Variants in VPS45 observed in about 807,000 individuals in gnomAD.
The protein encoded by VPS45 is vacuolar protein sorting-associated protein 45.
In VPS45, 35 loss-of-function variants were observed where a neutral mutation model predicts 75.9. The ratio of observed to expected loss-of-function variants is 0.46; its 90% CI spans 0.35 to 0.61. The LOEUF (loss-of-function observed/expected upper bound fraction) is 0.61. VPS45 is among the 20% of genes least tolerant of loss of function. The pLI is 0.00. For missense variants in VPS45, 559 were observed against 685.9 expected, an observed-to-expected ratio of 0.81 and a Z score of 2.07; for synonymous variants, 220 against 238.2, an observed-to-expected ratio of 0.92 and a Z score of 0.70.
Position 150,067,853 on chromosome 1 carries a change from C to T in VPS45, c.-5C>T, listed in dbSNP as rs1654811282. ...GGGCTGTAGGGTACTTGTCAATTCG[C>T]CGCCATGAACGTGGTTTTTGCTGTG... On this transcript the variant is annotated 5_prime_UTR_variant, in exon 1 of 15. Transcript: ENST00000644510. 1 of 1,613,838 alleles carries T rather than the reference C, an allele frequency of 6.2e-7. No individual in the cohort carries two copies. Among genetic ancestry groups the T allele is most frequent in the South Asian group, 1.1e-5 (1 of 91,062 alleles).
At chr1:150,139,227 G>A (rs1284916665) in intron 14 of VPS45, among the ~76,000 whole-genome samples, 1 of 152,084 alleles carries the variant, frequency 6.6e-6, no homozygotes, top group East Asian at 1.9e-4. Context: ...ACAATGACAT[G>A]CCAGGCCTTA....
intron 13 of VPS45, among the ~76,000 whole-genome samples, chr1:150,102,394 A>T (rs1553804679): frequency 6.6e-6 from 1 of 152,094 alleles, no homozygotes; most frequent in Non-Finnish European, 1.5e-5. Context: ...TACTAAAAAT[A>T]CAAAATTAGC....
chr1:150,115,869 C>A (rs587708928), intron 14 of VPS45, among the ~76,000 whole-genome samples: 8 of 152,158 alleles, frequency 5.3e-5, no homozygotes, highest in Non-Finnish European at 8.8e-5. Flanking sequence ...TCTGTGGCTA[C>A]TAAAACACAG....
chr1:150,126,593 A>G (rs1392338899), intron 14 of VPS45, among the ~76,000 whole-genome samples: 1 of 152,110 alleles, frequency 6.6e-6, no homozygotes, highest in Non-Finnish European at 1.5e-5. Flanking sequence ...ATACAACTGG[A>G]TATATTTGGC....
chr1:150,127,434 C>T (rs1658575840), intron 14 of VPS45, among the ~76,000 whole-genome samples: 1 of 152,026 alleles, frequency 6.6e-6, no homozygotes, highest in Admixed American at 6.6e-5. Flanking sequence ...CCACTTCAGC[C>T]TCACAAGTAG....
At chr1:150,136,067 G>A (rs1022698991) in intron 14 of VPS45, among the ~76,000 whole-genome samples, 4 of 150,408 alleles carry the variant, frequency 2.7e-5, no homozygotes, top group Admixed American at 6.6e-5. Context: ...TGACCAACAC[G>A]GCAAAACCCC....
In VPS45 at chr1:150,110,602, G is replaced by A. The variant is rs1553807009; in HGVS notation, c.1600G>A (p.Gly534Ser). ...TCCTGGAGTGAGGATTGTCCTGGGA[G>A]GCACCACAGTGCACAACACGAAAAG... ...TTPGVRIVLG[G>S]TTVHNTKSFL... The change falls in exon 14 of 15, where the codon GGC (glycine) becomes AGC (serine). Residue 534 changes from glycine to serine, a missense_variant. Gly to Ser is a moderately conservative substitution (Grantham distance 56, BLOSUM62 0). Coordinates refer to ENST00000644510, the MANE Select transcript of VPS45 (RefSeq NM_007259.5). 6.2e-7 allele frequency: 1 copy of A among 1,612,934 alleles called. No individual in the cohort carries two copies.
Position 150,077,139 on chromosome 1 carries a change from C to T in VPS45, c.484C>T (p.Leu162Phe). The stretch of plus-strand genomic sequence containing the variant: ...CCAGCTATCTAGAACAACTCAAGGG[C>T]TTACAGCTCTCCTTTTATCTCTGAA... ...PAQLSRTTQGLTALLLSLKKC... is the reference protein window; with the variant it reads ...PAQLSRTTQGFTALLLSLKKC... Residue 162 changes from leucine (L) to phenylalanine (F), a missense_variant, in exon 6 of 15, where the codon CTT becomes TTT. Transcript: ENST00000644510. The T allele has an allele frequency of 6.2e-7, 1 of 1,614,094 alleles. No individual in the cohort carries two copies. Among genetic ancestry groups the T allele is most frequent in the Non-Finnish European group, 8.5e-7 (1 of 1,180,012 alleles).
chr1:150,105,685 C>T (rs1657282353), intron 13 of VPS45, among the ~76,000 whole-genome samples: 1 of 152,040 alleles, frequency 6.6e-6, no homozygotes, highest in South Asian at 2.1e-4. Flanking sequence ...ATCATATTAC[C>T]CAATGCAATC....
chr1:150,119,801 T>C (rs2101626776), intron 14 of VPS45, among the ~76,000 whole-genome samples: 1 of 152,284 alleles, frequency 6.6e-6, no homozygotes, highest in Middle Eastern at 3.4e-3. Context: ...TTGGTTTCCC[T>C]ATTACAACTC....
intron 13 of VPS45, among the ~76,000 whole-genome samples, chr1:150,098,052 T>A (rs141453402): frequency 2.3e-4 from 35 of 152,276 alleles, no homozygotes; most frequent in African/African-American, 7.2e-4. Context: ...TTTTGCTATG[T>A]TGCCTAGGCT....
chr1:150,127,321 A>ATT (rs782667721), intron 14 of VPS45, among the ~76,000 whole-genome samples: 3,199 of 148,228 alleles, frequency 0.022, 49 homozygotes, highest in Admixed American at 0.032. Flanking sequence ...AGTGAAGCAG[A>ATT]TTTTTTTTTT....
At chr1:150,098,869 T>C (rs1656810024) in intron 13 of VPS45, 1 of 1,277,126 alleles carries the variant, frequency 7.8e-7, no homozygotes, top group Non-Finnish European at 1.0e-6. Flanking sequence ...TTGTCTCTGA[T>C]AAAGGCAAGC....
Position 150,076,939 on chromosome 1 carries a change from T to C in VPS45, c.393T>C (p.Ala131=), listed in dbSNP as rs1655422748. The part of the protein sequence containing the change: ...EVQEFYGDYI[A]VNPHLFSLNI... Reference sequence around the variant, plus strand: ...AGGAATTTTATGGTGATTACATTGCTGTGAACCCACATTTGTTTTCCCTCA... The same window carrying C: ...AGGAATTTTATGGTGATTACATTGCCGTGAACCCACATTTGTTTTCCCTCA... Residue 131 remains alanine (A), a synonymous_variant, in exon 5 of 15, where the codon GCT becomes GCC. Coordinates refer to ENST00000644510, the MANE Select transcript of VPS45 (RefSeq NM_007259.5). 1.2e-6 allele frequency: 2 copies of C among 1,614,148 alleles called. No homozygotes were observed. The highest frequency in any genetic ancestry group is 3.3e-5 in the Admixed American group (2 of 60,026).
At chr1:150,124,521 A>T in intron 14 of VPS45, among the ~76,000 whole-genome samples, 1 of 146,674 alleles carries the variant, frequency 6.8e-6, no homozygotes. Flanking sequence ...AGAGCTAATC[A>T]CTGTTAATAT....
chr1:150,097,554 A>G (rs1656739102), intron 13 of VPS45, among the ~76,000 whole-genome samples: 2 of 151,548 alleles, frequency 1.3e-5, no homozygotes, highest in African/African-American at 2.4e-5. Context: ...CCCTGTCTCT[A>G]CTAAAAATGC....
At chr1:150,083,049 T>A in intron 10 of VPS45, 166 bp downstream of exon 10, 2 of 725,622 alleles carry the variant, frequency 2.8e-6, no homozygotes, top group Non-Finnish European at 4.2e-6. Context: ...ATAAAAAGAG[T>A]CACAAGAGAA....
intron 12 of VPS45, 109 bp from the exon 13 acceptor site, chr1:150,093,418 T>C (rs112552596): frequency 1.7e-6 from 2 of 1,208,902 alleles, no homozygotes. Flanking sequence ...CGTAAATCTA[T>C]CCCATGAAAT....
At chr1:150,105,321 A>G (rs2101597477) in intron 13 of VPS45, among the ~76,000 whole-genome samples, 1 of 152,364 alleles carries the variant, frequency 6.6e-6, no homozygotes, top group African/African-American at 2.4e-5. Context: ...TTGGAAAAGA[A>G]GTCAAATTAT....
Sources: gnomAD v4.1 joint callset for allele counts (sites outside exome capture counted in the v4.1 genomes callset) on GRCh38, gnomAD v4.1.1 for gene constraint, MANE v1.5 for transcripts, NCBI Gene and HGNC (gene_info 2026-07-23, HGNC 2026-07-21) for gene names.